The following DLG2 variants were observed in gnomAD, a reference collection of about 807,000 sequenced individuals.
DLG2 encodes disks large homolog 2.
In DLG2, 45 loss-of-function variants were observed where a neutral mutation model predicts 132.5. That is an observed-to-expected ratio of 0.34 (90% CI 0.27 to 0.44). The LOEUF is 0.44. DLG2 is among the 20% of genes least tolerant of loss of function. The pLI is 1.00. For synonymous variants in DLG2, 424 were observed against 419.6 expected (o/e 1.01, Z -0.13); for missense variants, 1,045 against 1,196.9 (o/e 0.87, Z 1.87).
intron 16 of DLG2, among the ~76,000 whole-genome samples, chr11:83,854,366 C>T (rs2060202330): frequency 6.6e-6 from 1 of 151,962 alleles, no homozygotes; most frequent in African/African-American, 2.4e-5. Context: ...ATTTTGTGAA[C>T]TTTATATGGA....
intron 7 of DLG2, among the ~76,000 whole-genome samples, chr11:84,413,517 G>A (rs2098917397): frequency 6.6e-6 from 1 of 152,174 alleles, no homozygotes; most frequent in Non-Finnish European, 1.5e-5. Flanking sequence ...ATCCAGAAAT[G>A]TGATGTGTCC....
At chr11:85,497,901 G>A (rs1422549806) in intron 3 of DLG2, among the ~76,000 whole-genome samples, 3 of 152,176 alleles carry the variant, frequency 2.0e-5, no homozygotes, top group African/African-American at 7.2e-5. Context: ...TCACCACCAG[G>A]TCTGCCTCAC....
intron 3 of DLG2, among the ~76,000 whole-genome samples, chr11:85,563,411 G>T (rs1289631476): frequency 6.6e-6 from 1 of 150,674 alleles, no homozygotes; most frequent in Non-Finnish European, 1.5e-5. Context: ...ATTAGTAAAT[G>T]AGTGGATTAA....
chr11:84,671,956 A>G (rs2099706354), intron 6 of DLG2, among the ~76,000 whole-genome samples: 1 of 152,184 alleles, frequency 6.6e-6, no homozygotes, highest in South Asian at 2.1e-4. Flanking sequence ...TCAGAGGCAG[A>G]GACTTAAGAC....
intron 6 of DLG2, among the ~76,000 whole-genome samples, chr11:84,683,183 G>T (rs145299473): frequency 2.0e-4 from 30 of 152,268 alleles, no homozygotes; most frequent in African/African-American, 7.0e-4. Flanking sequence ...AGTCCTTATG[G>T]TATAGTGACT....
rs2079729466 is a variant in DLG2 at position 85,303,380 on chromosome 11, G to T, written c.41-18015C>A. The stretch of plus-strand genomic sequence containing the variant: ...CACTCTTTGTTCATTTTGACCATGA[G>T]AAATGATGATAATAATAGCAGAGGG... On this transcript the variant is annotated intron_variant, in intron 3 of 27. Coordinates refer to ENST00000376104, the MANE Select transcript of DLG2 (RefSeq NM_001142699.3). Among the ~76,000 whole-genome samples, 3 of 152,248 alleles carry T rather than the reference G, an allele frequency of 2.0e-5. No individual in the cohort carries two copies. The South Asian group carries it at 6.2e-4, about 32-fold the overall frequency.
At chr11:83,742,828 C>G (rs1448105280) in intron 18 of DLG2, among the ~76,000 whole-genome samples, 1 of 152,152 alleles carries the variant, frequency 6.6e-6, no homozygotes, top group Non-Finnish European at 1.5e-5. Flanking sequence ...TGGCCCTAAT[C>G]TACCATTGGA....
intron 7 of DLG2, among the ~76,000 whole-genome samples, chr11:84,479,531 TC>T (rs1344126956): frequency 6.6e-6 from 1 of 152,128 alleles, no homozygotes; most frequent in Non-Finnish European, 1.5e-5. Flanking sequence ...ACAATATGTT[TC>T]CTTCCTGCAA....
chr11:85,262,240 A>G (rs1471696290), intron 4 of DLG2, among the ~76,000 whole-genome samples: 1 of 152,150 alleles, frequency 6.6e-6, no homozygotes, highest in African/African-American at 2.4e-5. Flanking sequence ...AGGTCTGACT[A>G]ATGTAGGCCT....
chr11:85,450,607 A>G (rs1185615171), intron 3 of DLG2, among the ~76,000 whole-genome samples: 1 of 151,972 alleles, frequency 6.6e-6, no homozygotes, highest in Non-Finnish European at 1.5e-5. Flanking sequence ...TATATTAGAG[A>G]TTTTTTCAGG....
At chr11:85,145,482 T>G (rs1221266133) in intron 5 of DLG2, among the ~76,000 whole-genome samples, 1 of 152,126 alleles carries the variant, frequency 6.6e-6, no homozygotes, top group African/African-American at 2.4e-5. Flanking sequence ...TGAGACTGTT[T>G]TCTAGATCTC....
At chr11:85,239,863 T>C (rs1358198078) in intron 4 of DLG2, among the ~76,000 whole-genome samples, 1 of 151,686 alleles carries the variant, frequency 6.6e-6, no homozygotes, top group Non-Finnish European at 1.5e-5. Flanking sequence ...ACTATTCTTG[T>C]CTATGTTTCA....
chr11:84,060,822 C>CCA (rs1555308314), intron 10 of DLG2, among the ~76,000 whole-genome samples: 1 of 152,068 alleles, frequency 6.6e-6, no homozygotes. Context: ...TTTCCCCCAC[C>CCA]ACCACGCAGT....
At chr11:84,261,296 G>T (rs1044361638) in intron 7 of DLG2, among the ~76,000 whole-genome samples, 2 of 152,082 alleles carry the variant, frequency 1.3e-5, no homozygotes, top group Non-Finnish European at 2.9e-5. Context: ...CACATACCTT[G>T]CTCATGCCTA....
intron 6 of DLG2, among the ~76,000 whole-genome samples, chr11:85,098,694 T>A (rs2070335279): frequency 6.6e-6 from 1 of 152,156 alleles, no homozygotes; most frequent in Non-Finnish European, 1.5e-5. Context: ...ATGCAAAAAT[T>A]TTGCTTCTAC....
chr11:83,509,139 C>A (rs2094882617), intron 21 of DLG2, among the ~76,000 whole-genome samples: 1 of 152,234 alleles, frequency 6.6e-6, no homozygotes, highest in East Asian at 1.9e-4. Flanking sequence ...GGACAAGAGT[C>A]CAATCCTGGT....
At chr11:84,316,725 C>T (rs1515083) in intron 7 of DLG2, 5 of 1,271,498 alleles carry the variant, frequency 3.9e-6, no homozygotes, top group African/African-American at 1.5e-5. Context: ...TACAGGCATA[C>T]CCGTGGTACT....
In DLG2 at chr11:84,749,713, C is replaced by T. The variant is rs868438618; in HGVS notation, c.358-214982G>A. On this transcript the variant is annotated intron_variant, in intron 6 of 27. Transcript: ENST00000376104. ...TAAGTGATGCATGGCTGTTTTTGTA[C>T]AATTTCTATTTTAAAAAAATATATA... Among the ~76,000 whole-genome samples the T allele has an allele frequency of 2.6e-5, 4 of 152,192 alleles. No individual in the cohort carries two copies. The East Asian group carries it at 5.8e-4, about 22-fold the overall frequency.
intron 6 of DLG2, among the ~76,000 whole-genome samples, chr11:84,870,580 C>T (rs920573254): frequency 3.9e-5 from 6 of 152,186 alleles, no homozygotes; most frequent in Non-Finnish European, 7.4e-5. Context: ...CTCCAAGTAA[C>T]TCGCAATAGC....
Sources: gnomAD v4.1 joint callset for allele counts (sites outside exome capture counted in the v4.1 genomes callset) on GRCh38, gnomAD v4.1.1 for gene constraint, MANE v1.5 for transcripts, NCBI Gene and HGNC (gene_info 2026-07-23, HGNC 2026-07-21) for gene names.